The following TTC7A variants were observed in gnomAD, a reference collection of about 807,000 sequenced individuals.
TTC7A encodes the protein tetratricopeptide repeat protein 7A.
TTC7A carries 110 observed loss-of-function variants against 103.7 expected under a neutral mutation model. The ratio of observed to expected loss-of-function variants is 1.06; its 90% CI spans 0.91 to 1.24. The LOEUF is 1.24. TTC7A is among the 50% of genes most tolerant of loss of function. The probability of loss-of-function intolerance (pLI) is 0.00; values close to 1 mark genes in which losing one functional copy is unlikely to be tolerated. For missense variants in TTC7A, 1,340 were observed against 1,116.3 expected (o/e 1.20, Z -2.86); for synonymous variants, 521 against 467.9 (o/e 1.11, Z -1.47).
intron 14 of TTC7A, among the ~76,000 whole-genome samples, chr2:47,027,774 T>C (rs553413742): frequency 6.8e-4 from 104 of 152,264 alleles, no homozygotes; most frequent in African/African-American, 2.5e-3. Context: ...TGGGGTGTTT[T>C]GTAGAGAACG....
In TTC7A at chr2:46,944,856, G is replaced by T. The variant is rs1026097817; in HGVS notation, c.184+3131G>T. Among the ~76,000 whole-genome samples the T allele has an allele frequency of 3.3e-5, 5 of 152,028 alleles. No individual in the cohort carries two copies. In the East Asian group the frequency reaches 9.6e-4, roughly 29 times the overall value. On this transcript the variant is annotated intron_variant, in intron 1 of 19. Coordinates refer to ENST00000319190, the MANE Select transcript of TTC7A (RefSeq NM_020458.4). ...ACACCTAGCAATAAGAACTCTTTTT[G>T]AAAATATAGCCACTGTACCATTATT...
At chr2:47,003,299 T>G (rs572348042) in intron 8 of TTC7A, among the ~76,000 whole-genome samples, 1 of 151,464 alleles carries the variant, frequency 6.6e-6, no homozygotes, top group Admixed American at 6.6e-5. Flanking sequence ...ATGGGCTGGG[T>G]TGGGGGAGGA....
Position 46,917,190 on chromosome 2 carries a change from G to A in TTC7A, c.-6G>A, listed in dbSNP as rs560988801. On this transcript the variant is annotated 5_prime_UTR_variant, in exon 2 of 21. Coordinates refer to the TTC7A transcript ENST00000409245. ...TTTTTTTCTTTTTTTAAAGAAAAGAGTCTCCATGGTGCCCAGCTCGTCTCG... is the reference window on the plus strand; with the variant it reads ...TTTTTTTCTTTTTTTAAAGAAAAGAATCTCCATGGTGCCCAGCTCGTCTCG... The A allele has an allele frequency of 1.0e-4, 70 of 701,362 alleles. 1 individual carries two copies. In the African/African-American group the frequency reaches 1.1e-3, roughly 11 times the overall value. The allele number at this position is 701,362 out of a possible 1,614,324, so 43.4% of individuals were successfully genotyped here.
chr2:46,938,205 A>G (rs1240435604), upstream of TTC7A, among the ~76,000 whole-genome samples: 2 of 152,222 alleles, frequency 1.3e-5, no homozygotes, highest in African/African-American at 2.4e-5. Flanking sequence ...CAAGTCACCA[A>G]TGAAGGTGTT....
chr2:47,042,071 A>G (rs1395945019), intron 15 of TTC7A, among the ~76,000 whole-genome samples: 3 of 152,172 alleles, frequency 2.0e-5, no homozygotes, highest in African/African-American at 7.2e-5. Flanking sequence ...GAGACAAGTT[A>G]TAGGAGGGTG....
Position 47,038,276 on chromosome 2 carries a change from A to G in TTC7A, c.1803-8039A>G, listed in dbSNP as rs563426549. ...TCCATCTCAAAAAAAAAAAAAAAAG[A>G]AAGAAAAAAGCTGAGGCTCTGTGAC... On this transcript the variant is annotated intron_variant, in intron 15 of 19. Transcript: ENST00000319190. 5.3e-3 allele frequency among the ~76,000 whole-genome samples: 796 copies of G among 150,478 alleles called. 23 individuals are homozygous for G. Among genetic ancestry groups the G allele is most frequent in the Non-Finnish European group, 1.9e-3 (127 of 67,496 alleles).
Position 46,941,601 on chromosome 2 carries a change from C to A in TTC7A, c.60C>A (p.Cys20Ter). Residue 20 changes from cysteine to a stop codon, truncating the protein, a stop_gained, in exon 1 of 20, where the codon TGC becomes TGA. Coordinates refer to ENST00000319190, the MANE Select transcript of TTC7A (RefSeq NM_020458.4). LOFTEE classifies it high-confidence loss of function. The surrounding 1 kb of genome is among the most constrained non-coding windows in gnomAD (Gnocchi z 4.2). Reference sequence around the variant, plus strand: ...AGGTGGAGAGCGAGCTGGAGCGCTGCCGCGCCGAGGGCCACTGGGACCGCA... The same window carrying A: ...AGGTGGAGAGCGAGCTGGAGCGCTGACGCGCCGAGGGCCACTGGGACCGCA... ...YLKVESELERCRAEGHWDRMP... is the reference protein window; with the variant it reads ...YLKVESELER 1 of 1,556,974 alleles carries A rather than the reference C, an allele frequency of 6.4e-7. No individual in the cohort carries two copies. Among genetic ancestry groups the A allele is most frequent in the East Asian group, 2.4e-5 (1 of 41,498 alleles).
At chr2:47,008,588 CTGTG>C (rs1442867487) in intron 10 of TTC7A, among the ~76,000 whole-genome samples, 4 of 152,182 alleles carry the variant, frequency 2.6e-5, no homozygotes, top group Admixed American at 2.6e-4. Flanking sequence ...GCTGGAGACA[CTGTG>C]TGTTCGGTGC....
At chr2:47,031,849 C>T (rs574941950) in intron 15 of TTC7A, among the ~76,000 whole-genome samples, 1 of 152,224 alleles carries the variant, frequency 6.6e-6, no homozygotes, top group Non-Finnish European at 1.5e-5. Context: ...TGGCTGCAGC[C>T]CAGGCTGTGT....
At chr2:46,996,197 G>A (rs192872925) in intron 8 of TTC7A, among the ~76,000 whole-genome samples, 3 of 152,320 alleles carry the variant, frequency 2.0e-5, no homozygotes, top group African/African-American at 7.2e-5. Flanking sequence ...GGACTGGACT[G>A]GTCCAAAGGG....
At chr2:46,975,751 T>C (rs990364407) in intron 4 of TTC7A, among the ~76,000 whole-genome samples, 1 of 152,154 alleles carries the variant, frequency 6.6e-6, no homozygotes, top group African/African-American at 2.4e-5. Context: ...TATTATTTTT[T>C]AGATGGAGTC....
intron 19 of TTC7A, 55 bp downstream of exon 19, chr2:47,061,026 T>TA: frequency 6.7e-7 from 1 of 1,499,630 alleles, no homozygotes; most frequent in South Asian, 1.3e-5. Flanking sequence ...TCAGGGCCCT[T>TA]ATCCCGCTTT....
chr2:47,039,647 CT>C (rs1375574701), intron 15 of TTC7A, among the ~76,000 whole-genome samples: 6 of 152,212 alleles, frequency 3.9e-5, no homozygotes, highest in Non-Finnish European at 8.8e-5. Flanking sequence ...AATTGTTTCT[CT>C]TTGCCTCACA....
intron 11 of TTC7A, among the ~76,000 whole-genome samples, chr2:47,015,232 A>G (rs902554217): frequency 6.6e-6 from 1 of 152,262 alleles, no homozygotes; most frequent in Non-Finnish European, 1.5e-5. Context: ...GCAGAAGGAA[A>G]GAGAGATGTA....
intron 16 of TTC7A, 57 bp downstream of exon 16, chr2:47,046,488 C>A (rs1240102815): frequency 2.8e-6 from 4 of 1,415,688 alleles, no homozygotes; most frequent in East Asian, 2.3e-5. Context: ...GGGCAACAAT[C>A]CACAGCTGGG....
At chr2:47,029,413 G>C (rs763643022) in intron 15 of TTC7A, 29 bp downstream of exon 15, 9 of 1,611,496 alleles carry the variant, frequency 5.6e-6, no homozygotes, top group South Asian at 3.3e-5. Flanking sequence ...CTCTGGCAGT[G>C]GGGGAGCTGG....
upstream of TTC7A, chr2:46,915,933 G>A: frequency 1.0e-6 from 1 of 985,302 alleles, no homozygotes; most frequent in Non-Finnish European, 1.2e-6. Context: ...GAGTCCACGT[G>A]TAATCGGCCC....
In TTC7A at chr2:47,069,249, T is replaced by C. The variant is rs193198373; in HGVS notation, c.2356-4453T>C. Among the ~76,000 whole-genome samples the C allele has an allele frequency of 2.6e-3, 390 of 151,996 alleles. 3 individuals carry two copies. Among genetic ancestry groups the C allele is most frequent in the African/African-American group, 8.2e-3 (340 of 41,468 alleles). The stretch of plus-strand genomic sequence containing the variant: ...AGGAAGTCAATTTCTTGGAGGTTCG[T>C]CAGGCTGCAGAGTCCCCCAGGATGT... On this transcript the variant is annotated intron_variant, in intron 19 of 19. Transcript: ENST00000319190.
At position 47,061,288 on chromosome 2, in the gene TTC7A, AG is replaced by A. The variant is rs143189138; in HGVS notation, c.2355+319del. Among the ~76,000 whole-genome samples, 1,187 of 152,300 alleles carry A rather than the reference AG, an allele frequency of 7.8e-3. 10 individuals carry two copies. The highest frequency in any genetic ancestry group is 0.013 in the Non-Finnish European group (860 of 68,020). On this transcript the variant is annotated intron_variant, in intron 19 of 19. Transcript: ENST00000319190. ...TTCCGCAAAGGGATCTAGCCCCAAA[AG>A]GCTCTCATTGTTAACCATCAGACCC...
Sources: gnomAD v4.1 joint callset for allele counts (sites outside exome capture counted in the v4.1 genomes callset) on GRCh38, gnomAD v4.1.1 for gene constraint, Gnocchi (gnomAD v3.1) non-coding constraint, MANE v1.5 for transcripts, NCBI Gene and HGNC (gene_info 2026-07-23, HGNC 2026-07-21) for gene names.